The following ZNF503 variants were observed in gnomAD, a reference collection of about 807,000 sequenced individuals.
ZNF503 encodes the protein zinc finger protein 503.
Under a neutral mutation model 34.4 loss-of-function variants are expected in ZNF503, and 15 were observed. The ratio of observed to expected loss-of-function variants is 0.44; its 90% CI spans 0.29 to 0.67. The LOEUF is 0.67. Among genes scored for constraint, ZNF503 ranks in the 30% least tolerant of loss-of-function variants. The pLI is 0.13. For missense variants in ZNF503, 1,007 were observed against 926.8 expected (o/e 1.09, Z -1.12); for synonymous variants, 580 against 456.8 (o/e 1.27, Z -3.44).
chr10:75,307,273 C>A, the ZNF503 span, among the ~76,000 whole-genome samples: 1 of 152,176 alleles, frequency 6.6e-6, no homozygotes, highest in Non-Finnish European at 1.5e-5. Flanking sequence ...AGTGAAACAG[C>A]CTTATTGCTG....
the ZNF503 span, among the ~76,000 whole-genome samples, chr10:75,322,943 A>G: frequency 6.6e-6 from 1 of 152,228 alleles, no homozygotes; most frequent in Non-Finnish European, 1.5e-5. Flanking sequence ...ATTTACATAC[A>G]GTAAATTTTA....
the ZNF503 span, among the ~76,000 whole-genome samples, chr10:75,328,831 C>G: frequency 6.1e-4 from 92 of 150,520 alleles, no homozygotes; most frequent in African/African-American, 2.2e-3. Flanking sequence ...ACTGCAACCT[C>G]TGCCTCCCGG....
chr10:75,339,690 G>A, the ZNF503 span, among the ~76,000 whole-genome samples: 3 of 152,276 alleles, frequency 2.0e-5, no homozygotes, highest in East Asian at 1.9e-4. Context: ...CCAAGGAGGC[G>A]GAGTCCCTGG....
chr10:75,398,608 T>C lies in ZNF503; in HGVS notation c.*141A>G. The C allele has an allele frequency of 1.4e-6, 1 of 710,210 alleles. No homozygotes were observed. Among genetic ancestry groups the C allele is most frequent in the Non-Finnish European group, 2.0e-6 (1 of 507,794 alleles). 44.0% of individuals were successfully genotyped at this position (710,210 alleles called of 1,614,324 possible). A position where few individuals can be genotyped will look rare whatever the true frequency, so the allele number is the denominator to read the frequency against. ...CGGTCGCTGCTGTCGGGTAGATAGA[T>C]ACGGTATACATTTCTTTCCTTTCGT... On this transcript the variant is annotated 3_prime_UTR_variant, in exon 2 of 2. Coordinates refer to ENST00000372524, the MANE Select transcript of ZNF503 (RefSeq NM_032772.6).
chr10:75,300,704 C>CTTTTTTTTTTTTTTTTTTTT, the ZNF503 span, among the ~76,000 whole-genome samples: 1 of 108,752 alleles, frequency 9.2e-6, no homozygotes, highest in African/African-American at 3.7e-5. Context: ...TTCTTTCTTT[C>CTTTTTTTTTTTTTTTTTTTT]TTTTTTTTTT....
At chr10:75,351,099 T>C in the ZNF503 span, among the ~76,000 whole-genome samples, 3 of 151,154 alleles carry the variant, frequency 2.0e-5, no homozygotes, top group Admixed American at 2.0e-4. Flanking sequence ...ATGATGGGGA[T>C]CTTATCTCAA....
the ZNF503 span, among the ~76,000 whole-genome samples, chr10:75,328,992 C>G: frequency 5.3e-5 from 8 of 152,122 alleles, no homozygotes; most frequent in African/African-American, 1.7e-4. Flanking sequence ...GGTGATCCAC[C>G]TGCCTCAGCC....
chr10:75,352,623 G>A, the ZNF503 span, among the ~76,000 whole-genome samples: 4,290 of 152,300 alleles, frequency 0.028, 190 homozygotes, highest in African/African-American at 0.097. Flanking sequence ...GAATGCAGGC[G>A]TATTATCTTA....
the ZNF503 span, among the ~76,000 whole-genome samples, chr10:75,296,212 G>C: frequency 1.3e-5 from 2 of 152,238 alleles, no homozygotes; most frequent in Non-Finnish European, 2.9e-5. Context: ...TCTCAGCATG[G>C]TAGAGGGGCT....
the ZNF503 span, among the ~76,000 whole-genome samples, chr10:75,375,460 A>G: frequency 1.3e-5 from 2 of 152,072 alleles, no homozygotes; most frequent in African/African-American, 4.8e-5. Flanking sequence ...ATAAGTCCAA[A>G]TGGGGGCTTA....
the ZNF503 span, among the ~76,000 whole-genome samples, chr10:75,294,492 A>C: frequency 7.9e-4 from 121 of 152,236 alleles, no homozygotes; most frequent in Non-Finnish European, 1.5e-3. Flanking sequence ...ATTTTTTTGC[A>C]TGGGTGAAAA....
At chr10:75,366,462 G>C in the ZNF503 span, among the ~76,000 whole-genome samples, 2 of 152,214 alleles carry the variant, frequency 1.3e-5, no homozygotes, top group Non-Finnish European at 2.9e-5. Context: ...GCTACCAAAA[G>C]GTAGGCGACC....
At chr10:75,360,420 C>G in the ZNF503 span, among the ~76,000 whole-genome samples, 2 of 152,144 alleles carry the variant, frequency 1.3e-5, no homozygotes, top group South Asian at 4.1e-4. Context: ...GCCACCGTGA[C>G]CGGCCTGGGG....
the ZNF503 span, chr10:75,338,398 A>T: frequency 6.6e-6 from 1 of 152,268 alleles, no homozygotes; most frequent in African/African-American, 2.4e-5. Context: ...CTTAAACTTT[A>T]CAAGTCTCAC....
At chr10:75,401,017 C>T (rs1429431553) in intron 1 of ZNF503, 88 bp downstream of exon 1, 1 of 1,569,190 alleles carries the variant, frequency 6.4e-7, no homozygotes. Flanking sequence ...CCGACCCCCC[C>T]ACCTCCGCCC....
At chr10:75,363,839 C>T in the ZNF503 span, among the ~76,000 whole-genome samples, 4 of 152,178 alleles carry the variant, frequency 2.6e-5, no homozygotes, top group Non-Finnish European at 5.9e-5. Context: ...ACTTTTGTGA[C>T]AATTGAGAAG....
At chr10:75,354,217 C>T in the ZNF503 span, among the ~76,000 whole-genome samples, 11 of 152,270 alleles carry the variant, frequency 7.2e-5, no homozygotes, top group African/African-American at 2.4e-4. Flanking sequence ...GGCCACTAGA[C>T]AAGAGAACAT....
the ZNF503 span, among the ~76,000 whole-genome samples, chr10:75,324,637 C>T: frequency 6.6e-6 from 1 of 152,254 alleles, no homozygotes; most frequent in South Asian, 2.1e-4. Flanking sequence ...TATGATCCAT[C>T]TAGAATTAAT....
At position 75,399,797 on chromosome 10, in the gene ZNF503, G is replaced by A. The variant is rs977182955; in HGVS notation, c.893C>T (p.Pro298Leu). 2 of 1,599,122 alleles carry A rather than the reference G, an allele frequency of 1.3e-6. No homozygotes were observed. Among genetic ancestry groups the A allele is most frequent in the Admixed American group, 1.7e-5 (1 of 58,992 alleles). The change falls in exon 2 of 2, where the codon CCG (proline) becomes CTG (leucine). Residue 298 changes from proline to leucine, a missense_variant. Coordinates refer to ENST00000372524, the MANE Select transcript of ZNF503 (RefSeq NM_032772.6). ...GGINVDVNQHPDGGPGGKALG... is the reference protein window; with the variant it reads ...GGINVDVNQHLDGGPGGKALG... ...AGCCTTGCCTCCCGGGCCCCCATCC[G>A]GATGCTGGTTCACATCCACATTAAT...
Sources: allele counts gnomAD v4.1 joint callset (sites outside exome capture counted in the v4.1 genomes callset), GRCh38; gene constraint gnomAD v4.1.1; transcripts MANE v1.5; gene names NCBI Gene and HGNC (gene_info 2026-07-23, HGNC 2026-07-21).